CDH12: variants seen among roughly 807,000 people sequenced by gnomAD.
CDH12 encodes the protein cadherin-12.
In CDH12, 41 loss-of-function variants were observed where a neutral mutation model predicts 74.1. The observed-to-expected ratio is 0.55, with a 90% CI of 0.43 to 0.72. CDH12 has a LOEUF of 0.72. Ranked by LOEUF, CDH12 falls within the 30% of genes least tolerant of loss-of-function variation. The pLI is 0.00. For missense variants in CDH12, 945 were observed against 977.2 expected, an observed-to-expected ratio of 0.97 and a Z score of 0.44; for synonymous variants, 399 against 355.0, an observed-to-expected ratio of 1.12 and a Z score of -1.39.
At chr5:22,692,307 T>C (rs553367410) in intron 1 of CDH12, among the ~76,000 whole-genome samples, 1 of 152,306 alleles carries the variant, frequency 6.6e-6, no homozygotes, top group Admixed American at 6.5e-5. Context: ...AACTTCTTTT[T>C]TGAAAATAAA....
At chr5:22,279,937 C>T (rs1358057028) in intron 3 of CDH12, among the ~76,000 whole-genome samples, 3 of 152,098 alleles carry the variant, frequency 2.0e-5, no homozygotes, top group Admixed American at 2.0e-4. Flanking sequence ...TTTTAGATCC[C>T]TGAGGAATCG....
chr5:22,687,758 A>G (rs1283732360), intron 1 of CDH12, among the ~76,000 whole-genome samples: 1 of 152,168 alleles, frequency 6.6e-6, no homozygotes, highest in African/African-American at 2.4e-5. Flanking sequence ...ATCCTGTGTT[A>G]TCATTTATTC....
At chr5:21,880,557 T>C (rs1752214411) in intron 6 of CDH12, among the ~76,000 whole-genome samples, 3 of 128,574 alleles carry the variant, frequency 2.3e-5, no homozygotes, top group African/African-American at 8.6e-5. Context: ...CTTCCTTCCT[T>C]CCTTCCCTTC....
intron 10 of CDH12, among the ~76,000 whole-genome samples, chr5:21,798,712 C>T (rs1746937850): frequency 1.3e-5 from 2 of 152,118 alleles, no homozygotes; most frequent in African/African-American, 4.8e-5. Context: ...AAAGACATGA[C>T]TTTCTGCTGA....
intron 1 of CDH12, among the ~76,000 whole-genome samples, chr5:22,673,971 C>T (rs754630172): frequency 1.2e-4 from 19 of 152,260 alleles, no homozygotes; most frequent in Middle Eastern, 3.4e-3. Context: ...TGTGACAACA[C>T]GTCTAGGTAA....
At chr5:21,920,513 C>T (rs1452970326) in intron 6 of CDH12, among the ~76,000 whole-genome samples, 2 of 152,056 alleles carry the variant, frequency 1.3e-5, no homozygotes, top group African/African-American at 2.4e-5. Context: ...GAACATCACA[C>T]ACCGGGGCCT....
intron 6 of CDH12, among the ~76,000 whole-genome samples, chr5:21,893,875 T>C (rs1356737291): frequency 6.6e-6 from 1 of 152,198 alleles, no homozygotes; most frequent in Non-Finnish European, 1.5e-5. Flanking sequence ...TTTCTGTCAT[T>C]AATTATAACC....
chr5:22,009,326 T>C (rs1424055835), intron 5 of CDH12, among the ~76,000 whole-genome samples: 1 of 152,174 alleles, frequency 6.6e-6, no homozygotes, highest in African/African-American at 2.4e-5. Flanking sequence ...AACATTAATG[T>C]TTTCAGAGCT....
intron 1 of CDH12, among the ~76,000 whole-genome samples, chr5:22,661,059 G>A (rs1740320392): frequency 6.6e-6 from 1 of 152,138 alleles, no homozygotes; most frequent in South Asian, 2.1e-4. Flanking sequence ...GCATTAGAAT[G>A]TGGATTTCGG....
At chr5:22,088,513 C>A (rs188876065) in intron 4 of CDH12, among the ~76,000 whole-genome samples, 2 of 152,210 alleles carry the variant, frequency 1.3e-5, no homozygotes, top group East Asian at 3.9e-4. Flanking sequence ...CTACTACCAC[C>A]AATGCCCCCT....
intron 2 of CDH12, among the ~76,000 whole-genome samples, chr5:22,416,915 T>A (rs539201507): frequency 6.6e-6 from 1 of 152,180 alleles, no homozygotes. Context: ...ATTTAAGATA[T>A]TTTTTAATGA....
At chr5:21,873,996 A>T (rs563040536) in intron 6 of CDH12, among the ~76,000 whole-genome samples, 8 of 152,152 alleles carry the variant, frequency 5.3e-5, no homozygotes, top group Non-Finnish European at 1.0e-4. Flanking sequence ...TTCTTTATCC[A>T]GTCTATCATT....
chr5:21,833,130 T>A (rs1444847084), intron 8 of CDH12, among the ~76,000 whole-genome samples: 2 of 51,324 alleles, frequency 3.9e-5, no homozygotes, highest in African/African-American at 8.2e-5. Flanking sequence ...ATATATTATA[T>A]TATAAATATA....
chr5:22,687,442 C>G (rs181361154), intron 1 of CDH12, among the ~76,000 whole-genome samples: 2 of 152,222 alleles, frequency 1.3e-5, no homozygotes, highest in East Asian at 1.9e-4. Context: ...GGGTCTCACT[C>G]TGTTGCCCAG....
chr5:22,598,085 A>G (rs1439131291), intron 1 of CDH12, among the ~76,000 whole-genome samples: 1 of 152,146 alleles, frequency 6.6e-6, no homozygotes, highest in Non-Finnish European at 1.5e-5. Context: ...AATAATCTAA[A>G]CTAAGTTTGT....
intron 1 of CDH12, among the ~76,000 whole-genome samples, chr5:22,813,335 A>G (rs1242365892): frequency 1.3e-5 from 2 of 152,142 alleles, no homozygotes; most frequent in Non-Finnish European, 2.9e-5. Flanking sequence ...AGGTTTACTA[A>G]AGTTTAATAA....
intron 6 of CDH12, among the ~76,000 whole-genome samples, chr5:21,912,722 A>G (rs887762962): frequency 4.6e-5 from 7 of 152,216 alleles, no homozygotes; most frequent in Non-Finnish European, 8.8e-5. Context: ...CATGGGGCAC[A>G]GGCAAGCAAG....
At chr5:22,683,645 A>G (rs1173835216) in intron 1 of CDH12, among the ~76,000 whole-genome samples, 2 of 152,188 alleles carry the variant, frequency 1.3e-5, no homozygotes, top group Non-Finnish European at 2.9e-5. Context: ...GCCTAAAATA[A>G]ATCAGCATCT....
intron 3 of CDH12, among the ~76,000 whole-genome samples, chr5:22,252,895 T>A (rs1340617863): frequency 3.3e-5 from 5 of 151,986 alleles, no homozygotes; most frequent in African/African-American, 1.2e-4. Context: ...ATGTATCCTT[T>A]TTTAGAAACA....
Sources: gnomAD v4.1 joint callset for allele counts (sites outside exome capture counted in the v4.1 genomes callset) on GRCh38, gnomAD v4.1.1 for gene constraint, MANE v1.5 for transcripts, NCBI Gene and HGNC (gene_info 2026-07-23, HGNC 2026-07-21) for gene names.